The following CNTN4 variants were observed in gnomAD, a reference collection of about 807,000 sequenced individuals.
The protein encoded by CNTN4 is contactin 4, also known as contactin-4.
A neutral mutation model predicts 122.5 loss-of-function variants in CNTN4; 77 were observed. The observed-to-expected ratio is 0.63, with a 90% CI of 0.52 to 0.76. The LOEUF (loss-of-function observed/expected upper bound fraction) is 0.76. Among genes scored for constraint, CNTN4 ranks in the 30% least tolerant of loss-of-function variants. CNTN4 has a pLI of 0.00. For synonymous variants in CNTN4, 512 were observed against 447.0 expected (o/e 1.15, Z -1.83); for missense variants, 1,256 against 1,259.1 (o/e 1.00, Z 0.04).
intron 4 of CNTN4, among the ~76,000 whole-genome samples, chr3:2,575,809 C>CTTTTTT (rs56303805): frequency 1.1e-4 from 11 of 101,248 alleles, no homozygotes; most frequent in African/African-American, 3.0e-4. Flanking sequence ...TCTTCTTCTT[C>CTTTTTT]TTTTTTTTTT....
chr3:2,116,722 G>A (rs1462130030), intron 2 of CNTN4, among the ~76,000 whole-genome samples: 3 of 152,234 alleles, frequency 2.0e-5, no homozygotes, highest in Admixed American at 2.0e-4. Flanking sequence ...TGAAATGCAT[G>A]TTTCTGACTA....
chr3:2,740,566 C>T (rs2089402120), intron 5 of CNTN4, among the ~76,000 whole-genome samples: 1 of 152,118 alleles, frequency 6.6e-6, no homozygotes, highest in African/African-American at 2.4e-5. Context: ...GTAATAATAT[C>T]ACTTTTAAAC....
intron 2 of CNTN4, among the ~76,000 whole-genome samples, chr3:2,121,091 C>T (rs1056637628): frequency 4.6e-5 from 7 of 151,036 alleles, no homozygotes; most frequent in Non-Finnish European, 8.9e-5. Flanking sequence ...TCCCTTCCTT[C>T]CCTCCCTTCT....
intron 2 of CNTN4, among the ~76,000 whole-genome samples, chr3:2,209,649 A>T (rs954833228): frequency 4.6e-5 from 7 of 151,672 alleles, no homozygotes. Flanking sequence ...AGCTGGGGAG[A>T]TGCACAGCTG....
chr3:2,723,605 C>G (rs1379407915), intron 4 of CNTN4, among the ~76,000 whole-genome samples: 2 of 152,188 alleles, frequency 1.3e-5, no homozygotes, highest in South Asian at 2.1e-4. Flanking sequence ...TTTGAAGCCT[C>G]TTTTATGAAG....
intron 8 of CNTN4, among the ~76,000 whole-genome samples, chr3:2,871,985 C>A (rs140566035): frequency 6.6e-6 from 1 of 152,176 alleles, no homozygotes; most frequent in East Asian, 1.9e-4. Flanking sequence ...GCTTAGGAAC[C>A]ATGAGAGGGA....
chr3:2,218,881 G>A (rs2038954955), intron 2 of CNTN4, among the ~76,000 whole-genome samples: 1 of 152,168 alleles, frequency 6.6e-6, no homozygotes, highest in African/African-American at 2.4e-5. Context: ...GGACTAAAAT[G>A]TGTCATCTTC....
At chr3:2,274,202 G>A (rs1040134746) in intron 2 of CNTN4, among the ~76,000 whole-genome samples, 1 of 152,054 alleles carries the variant, frequency 6.6e-6, no homozygotes, top group African/African-American at 2.4e-5. Flanking sequence ...GTCCAACATG[G>A]TGAAAACCTG....
chr3:2,524,806 C>G (rs1462308881), intron 3 of CNTN4, among the ~76,000 whole-genome samples: 1 of 152,026 alleles, frequency 6.6e-6, no homozygotes. Flanking sequence ...CTTATTAAGA[C>G]CATGATAAAT....
intron 4 of CNTN4, among the ~76,000 whole-genome samples, chr3:2,698,322 A>G (rs931326237): frequency 6.6e-6 from 1 of 152,060 alleles, no homozygotes; most frequent in African/African-American, 2.4e-5. Context: ...TTTCCCTTCC[A>G]TTTATATATT....
chr3:2,369,669 T>C (rs1015411055), intron 3 of CNTN4, among the ~76,000 whole-genome samples: 1 of 152,124 alleles, frequency 6.6e-6, no homozygotes, highest in Admixed American at 6.6e-5. Flanking sequence ...TCCTTCCTCC[T>C]GCTTGGAAAT....
At chr3:2,131,847 G>C (rs957653800) in intron 2 of CNTN4, among the ~76,000 whole-genome samples, 1 of 152,158 alleles carries the variant, frequency 6.6e-6, no homozygotes, top group Admixed American at 6.5e-5. Flanking sequence ...CTCAGATCTA[G>C]AATCAGTGAG....
chr3:2,829,733 A>T (rs958336548), intron 7 of CNTN4, among the ~76,000 whole-genome samples: 3 of 152,224 alleles, frequency 2.0e-5, no homozygotes, highest in African/African-American at 7.2e-5. Flanking sequence ...GAGTAGAAAA[A>T]AATAAGTTGA....
At chr3:2,186,838 A>G (rs1177693470) in intron 2 of CNTN4, among the ~76,000 whole-genome samples, 1 of 152,160 alleles carries the variant, frequency 6.6e-6, no homozygotes, top group Non-Finnish European at 1.5e-5. Flanking sequence ...CCTTTGTCAG[A>G]TGAGTAGATT....
At chr3:2,651,690 A>AT (rs1022613472) in intron 4 of CNTN4, among the ~76,000 whole-genome samples, 2 of 148,984 alleles carry the variant, frequency 1.3e-5, no homozygotes, top group African/African-American at 2.5e-5. Context: ...CATCTCTACA[A>AT]TTTTTTTTCT....
intron 3 of CNTN4, among the ~76,000 whole-genome samples, chr3:2,467,677 CTT>C (rs1377190088): frequency 1.3e-5 from 2 of 152,144 alleles, no homozygotes; most frequent in South Asian, 2.1e-4. Flanking sequence ...TAATTAATAA[CTT>C]ATTATTATCA....
chr3:2,193,760 A>G (rs1407404449), intron 2 of CNTN4, among the ~76,000 whole-genome samples: 1 of 152,158 alleles, frequency 6.6e-6, no homozygotes, highest in Non-Finnish European at 1.5e-5. Flanking sequence ...ATAATACTGT[A>G]TTTTTACTGT....
intron 12 of CNTN4, among the ~76,000 whole-genome samples, chr3:2,906,427 A>G (rs1207522585): frequency 1.2e-4 from 19 of 152,196 alleles, no homozygotes; most frequent in Non-Finnish European, 5.9e-5. Context: ...ATACTTCAAA[A>G]CATGTTGTAT....
At chr3:2,670,884 T>C (rs1160569152) in intron 4 of CNTN4, among the ~76,000 whole-genome samples, 1 of 152,246 alleles carries the variant, frequency 6.6e-6, no homozygotes, top group Non-Finnish European at 1.5e-5. Context: ...AAATTCTGGT[T>C]TGAAAATTCT....
Sources: allele counts gnomAD v4.1 joint callset (sites outside exome capture counted in the v4.1 genomes callset), GRCh38; gene constraint gnomAD v4.1.1; transcripts MANE v1.5; gene names NCBI Gene and HGNC (gene_info 2026-07-23, HGNC 2026-07-21).